The following DARS1 variants were observed in gnomAD, a reference collection of about 807,000 sequenced individuals.
DARS1 encodes the protein aspartyl-tRNA synthetase 1, also known as aspartate--tRNA ligase, cytoplasmic.
In DARS1, 51 loss-of-function variants were observed where a neutral mutation model predicts 68.8. The observed-to-expected ratio is 0.74, with a 90% CI of 0.59 to 0.94. The LOEUF (loss-of-function observed/expected upper bound fraction) is 0.94. Ranked by LOEUF, DARS1 falls within the 40% of genes least tolerant of loss-of-function variation. DARS1 has a pLI of 0.00. For missense variants in DARS1, 607 were observed against 597.3 expected (o/e 1.02, Z -0.17); for synonymous variants, 203 against 190.4 (o/e 1.07, Z -0.55).
chr2:135,923,551 C>A (rs1274804689), intron 8 of DARS1, among the ~76,000 whole-genome samples: 1 of 152,058 alleles, frequency 6.6e-6, no homozygotes, highest in Non-Finnish European at 1.5e-5. Flanking sequence ...GCTTCCCAAA[C>A]TCCTGGGATT....
At chr2:135,907,489 C>A (rs917181294) in intron 15 of DARS1, 82 bp from the exon 16 acceptor site, 22 of 859,868 alleles carry the variant, frequency 2.6e-5, no homozygotes, top group Non-Finnish European at 4.0e-5. Flanking sequence ...TAAATGTAAT[C>A]GTTAAACTAA....
intron 7 of DARS1, among the ~76,000 whole-genome samples, chr2:135,926,943 C>T (rs1373231427): frequency 1.3e-5 from 2 of 152,174 alleles, no homozygotes; most frequent in African/African-American, 4.8e-5. Context: ...GGTTGTCTTT[C>T]TACATTTCTT....
At chr2:135,916,064 T>C (rs1680995921) in intron 11 of DARS1, among the ~76,000 whole-genome samples, 162 bp downstream of exon 11, 1 of 152,206 alleles carries the variant, frequency 6.6e-6, no homozygotes. Flanking sequence ...TTTCTTATCT[T>C]AAACCAAATT....
At chr2:135,980,429 AC>A (rs1311073805) in intron 2 of DARS1, 11 of 152,254 alleles carry the variant, frequency 7.2e-5, no homozygotes, top group African/African-American at 2.4e-4. Context: ...TGTATGTCTT[AC>A]CGAATTTTTC....
chr2:135,907,261 T>TTTTTTG lies in DARS1; in HGVS notation c.*54_*55insCAAAAA. The TTTTTTG allele has an allele frequency of 1.1e-6, 1 of 889,242 alleles. No homozygotes were observed. The highest frequency in any genetic ancestry group is 1.7e-6 in the Non-Finnish European group (1 of 601,878). The allele number at this position is 889,242 out of a possible 1,614,324, so 55.1% of individuals were successfully genotyped here. On this transcript the variant is annotated 3_prime_UTR_variant, in exon 16 of 16. Coordinates refer to ENST00000264161, the MANE Select transcript of DARS1 (RefSeq NM_001349.4). ...GGCTTTCTTTTTTTTTTTTTTTTTT[T>TTTTTTG]GAGGCAGGGTCTCGCTCTGTCATCC...
intron 3 of DARS1, among the ~76,000 whole-genome samples, chr2:135,964,332 T>A (rs1368440622): frequency 6.6e-6 from 1 of 152,190 alleles, no homozygotes; most frequent in African/African-American, 2.4e-5. Flanking sequence ...TATGCACTAC[T>A]TTTCTAATCA....
rs752954148 is a variant in DARS1 at position 135,932,836 on chromosome 2, T to C, written c.511A>G (p.Arg171Gly). ...RPEAEGEEEGRATVNQDTRLD... is the reference protein window; with the variant it reads ...RPEAEGEEEGGATVNQDTRLD... ...CTTGTATCCTGGTTAACAGTAGCTCTTCCTTCCTAAAAAAAAAAAAAAAGA... is the reference window on the plus strand; with the variant it reads ...CTTGTATCCTGGTTAACAGTAGCTCCTCCTTCCTAAAAAAAAAAAAAAAGA... The change falls in exon 7 of 16, where the codon AGA becomes GGA. Residue 171 changes from arginine to glycine, a missense_variant. Transcript: ENST00000264161. 2 of 1,255,938 alleles carry C rather than the reference T, an allele frequency of 1.6e-6. No individual in the cohort carries two copies. Among genetic ancestry groups the C allele is most frequent in the East Asian group, 2.4e-5 (1 of 42,216 alleles). The allele number at this position is 1,255,938 out of a possible 1,614,324, so 77.8% of individuals were successfully genotyped here.
intron 4 of DARS1, among the ~76,000 whole-genome samples, chr2:135,953,641 C>G (rs1363967114): frequency 6.6e-6 from 1 of 152,088 alleles, no homozygotes; most frequent in African/African-American, 2.4e-5. Flanking sequence ...TGAGATTATT[C>G]AGGAAGAATA....
chr2:135,925,596 C>T (rs182901193), intron 7 of DARS1, among the ~76,000 whole-genome samples: 86 of 152,254 alleles, frequency 5.6e-4, no homozygotes, highest in African/African-American at 2.0e-3. Context: ...ATTTAAGTAA[C>T]ATTATTTTAT....
At position 135,958,158 on chromosome 2, in the gene DARS1, ATCAG is replaced by A. The variant is rs558925942; in HGVS notation, c.320+3234_320+3237del. Among the ~76,000 whole-genome samples the A allele has an allele frequency of 4.1e-4, 62 of 152,356 alleles. No homozygotes were observed. The South Asian group carries it at 0.013, about 31-fold the overall frequency. ...CTAAGAATGACAATTTAAATAAAGT[ATCAG>A]TCAATCATTTTATAAAACTGTCTTA... is the stretch of plus-strand genomic sequence containing the variant. On this transcript the variant is annotated intron_variant, in intron 4 of 15. Coordinates refer to ENST00000264161, the MANE Select transcript of DARS1 (RefSeq NM_001349.4).
In DARS1 at chr2:135,957,841, C is replaced by T. The variant is rs549194344; in HGVS notation, c.320+3555G>A. On this transcript the variant is annotated intron_variant, in intron 4 of 15. Transcript: ENST00000264161. The stretch of plus-strand genomic sequence containing the variant: ...TACAAATACCAAACTACTGTAAATG[C>T]TTATGCTTATAGCCCTTAACTTTAA... 8.5e-5 allele frequency among the ~76,000 whole-genome samples: 13 copies of T among 152,244 alleles called. No homozygotes were observed. The South Asian group carries it at 2.7e-3, about 32-fold the overall frequency.
At chr2:135,968,446 C>G (rs957511543) in intron 3 of DARS1, among the ~76,000 whole-genome samples, 1 of 152,070 alleles carries the variant, frequency 6.6e-6, no homozygotes, top group African/African-American at 2.4e-5. Context: ...TGAAGGGACA[C>G]AACTTGTAAG....
intron 3 of DARS1, among the ~76,000 whole-genome samples, chr2:135,973,185 C>T (rs531882293): frequency 1.3e-5 from 2 of 152,208 alleles, no homozygotes; most frequent in South Asian, 2.1e-4. Context: ...TATCCATCAA[C>T]AGATGAATGG....
rs765342897 is a variant in DARS1 at position 135,907,322 on chromosome 2, A to G, written c.1500T>C (p.Thr500=). ...SMFPRDPKRL[T]P is the part of the protein sequence containing the mutation. ...TAAGTGGCAAAGTGTGAATTTAAGG[A>G]GTGAGTCGTTTGGGATCACGAGGGA... The change falls in exon 16 of 16, where the codon ACT becomes ACC. Residue 500 remains threonine, a synonymous_variant. Coordinates refer to ENST00000264161, the MANE Select transcript of DARS1 (RefSeq NM_001349.4). 6.3e-7 allele frequency: 1 copy of G among 1,575,186 alleles called. No individual in the cohort carries two copies. The highest frequency in any genetic ancestry group is 8.6e-7 in the Non-Finnish European group (1 of 1,159,938).
chr2:135,932,328 C>A (rs189905811), intron 7 of DARS1, among the ~76,000 whole-genome samples: 1 of 152,182 alleles, frequency 6.6e-6, no homozygotes, highest in East Asian at 1.9e-4. Context: ...ACTGCATAAA[C>A]CACCAGAGCC....
chr2:135,907,419 A>G lies in DARS1; in HGVS notation c.1415-12T>C, dbSNP rs1255488163. 1.9e-6 allele frequency: 3 copies of G among 1,583,604 alleles called. No homozygotes were observed. The Admixed American group carries it at 5.1e-5, about 27-fold the overall frequency. On this transcript the variant is annotated splice_polypyrimidine_tract_variant and intron_variant, in intron 15 of 15. Transcript: ENST00000264161. ...AACTCGTTCCAATCCTGGGGAAGAC[A>G]AAAATAATCATTAATTCCTTTTTGA...
At chr2:135,965,317 A>G (rs1682198826) in intron 3 of DARS1, among the ~76,000 whole-genome samples, 1 of 152,194 alleles carries the variant, frequency 6.6e-6, no homozygotes, top group Non-Finnish European at 1.5e-5. Context: ...CATATAACCT[A>G]TATAAATTAA....
intron 4 of DARS1, among the ~76,000 whole-genome samples, chr2:135,960,362 C>A (rs1682073797): frequency 6.6e-6 from 1 of 152,130 alleles, no homozygotes; most frequent in Non-Finnish European, 1.5e-5. Context: ...AGCTGCTGAG[C>A]ATCCTTTATA....
At chr2:135,970,252 C>CA (rs1217937806) in intron 3 of DARS1, among the ~76,000 whole-genome samples, 3,178 of 47,908 alleles carry the variant, frequency 0.066, 152 homozygotes, top group African/African-American at 0.13. Context: ...GACCCTGTCT[C>CA]AAAAAAAAAA....
Sources: allele counts gnomAD v4.1 joint callset (sites outside exome capture counted in the v4.1 genomes callset), GRCh38; gene constraint gnomAD v4.1.1; transcripts MANE v1.5; gene names NCBI Gene and HGNC (gene_info 2026-07-23, HGNC 2026-07-21).